SLC25A26: variants seen among roughly 807,000 people sequenced by gnomAD.
SLC25A26 encodes mitochondrial S-adenosylmethionine carrier protein.
A neutral mutation model predicts 37.8 loss-of-function variants in SLC25A26; 36 were observed. The observed-to-expected ratio is 0.95, with a 90% confidence interval of 0.73 to 1.26. The LOEUF (loss-of-function observed/expected upper bound fraction) is 1.26, where lower values mean the gene tolerates loss of function less well. Among genes scored for constraint, SLC25A26 ranks in the 50% most tolerant of loss-of-function variants. SLC25A26 has a pLI of 0.00. For missense variants in SLC25A26, 390 were observed against 331.1 expected, an observed-to-expected ratio of 1.18 and a Z score of -1.38; for synonymous variants, 129 against 122.5, an observed-to-expected ratio of 1.05 and a Z score of -0.35.
intron 1 of SLC25A26, among the ~76,000 whole-genome samples, chr3:66,188,445 G>GGGAAT (rs2070872039): frequency 6.6e-6 from 1 of 152,064 alleles, no homozygotes; most frequent in African/African-American, 2.4e-5. Context: ...AGGGAAGGAG[G>GGGAAT]GGAATGAGTG....
intron 5 of SLC25A26, among the ~76,000 whole-genome samples, chr3:66,272,095 A>G (rs2073980494): frequency 1.3e-5 from 2 of 152,160 alleles, no homozygotes; most frequent in African/African-American, 4.8e-5. Flanking sequence ...ATGGAAATAA[A>G]CTGTTTACAT....
At chr3:66,303,344 GCTAA>G (rs2075128868) in intron 5 of SLC25A26, among the ~76,000 whole-genome samples, 1 of 152,174 alleles carries the variant, frequency 6.6e-6, no homozygotes, top group African/African-American at 2.4e-5. Flanking sequence ...TCTGGGAACA[GCTAA>G]CTGTGTTGGA....
chr3:66,281,203 T>G (rs1228724332), intron 5 of SLC25A26, among the ~76,000 whole-genome samples: 1 of 152,158 alleles, frequency 6.6e-6, no homozygotes, highest in Non-Finnish European at 1.5e-5. Context: ...ACCTAAGTAT[T>G]TTGGGGTGTT....
intron 1 of SLC25A26, among the ~76,000 whole-genome samples, chr3:66,213,603 T>C (rs1409475833): frequency 6.6e-6 from 1 of 152,096 alleles, no homozygotes; most frequent in Non-Finnish European, 1.5e-5. Context: ...GGTATATTTG[T>C]TACAATCAAT....
intron 1 of SLC25A26, among the ~76,000 whole-genome samples, chr3:66,198,557 C>T (rs1042199183): frequency 0.011 from 1,690 of 151,836 alleles, 31 homozygotes; most frequent in African/African-American, 0.038. Context: ...CCCACCATGA[C>T]CCTGAGGCTG....
At chr3:66,299,725 G>T (rs1375132946) in intron 5 of SLC25A26, among the ~76,000 whole-genome samples, 6 of 152,118 alleles carry the variant, frequency 3.9e-5, no homozygotes, top group Admixed American at 1.3e-4. Flanking sequence ...GGATTTTTAG[G>T]TTATAGATGT....
At chr3:66,237,626 G>A (rs1242045395) in intron 2 of SLC25A26, among the ~76,000 whole-genome samples, 2 of 152,138 alleles carry the variant, frequency 1.3e-5, no homozygotes, top group East Asian at 1.9e-4. Flanking sequence ...GACTTATGAC[G>A]CTCTTACTCT....
At chr3:66,293,533 C>A (rs1254192310) in intron 5 of SLC25A26, among the ~76,000 whole-genome samples, 1 of 151,548 alleles carries the variant, frequency 6.6e-6, no homozygotes, top group African/African-American at 2.4e-5. Context: ...GATCCTCTCC[C>A]TCCTCCCAGC....
intron 1 of SLC25A26, among the ~76,000 whole-genome samples, chr3:66,154,111 T>C (rs1255280438): frequency 6.6e-6 from 1 of 152,106 alleles, no homozygotes; most frequent in Non-Finnish European, 1.5e-5. Context: ...AGTGCCTGAA[T>C]ATAAAACTCG....
At chr3:66,221,919 C>G (rs559957577) in intron 1 of SLC25A26, among the ~76,000 whole-genome samples, 1 of 151,836 alleles carries the variant, frequency 6.6e-6, no homozygotes, top group South Asian at 2.1e-4. Context: ...GTGATTTAGT[C>G]ACTTAATTAT....
At chr3:66,159,094 C>T (rs1465123525) in intron 1 of SLC25A26, among the ~76,000 whole-genome samples, 1 of 152,180 alleles carries the variant, frequency 6.6e-6, no homozygotes, top group Admixed American at 6.5e-5. Context: ...CAAGAAGAGG[C>T]CATGATGCAA....
intron 7 of SLC25A26, among the ~76,000 whole-genome samples, chr3:66,363,459 G>A (rs1213962529): frequency 2.0e-5 from 3 of 152,158 alleles, no homozygotes; most frequent in Non-Finnish European, 2.9e-5. Flanking sequence ...GGGCATTTTC[G>A]AGACATTAAA....
At chr3:66,265,535 C>T (rs1400317993) in intron 5 of SLC25A26, among the ~76,000 whole-genome samples, 1 of 152,188 alleles carries the variant, frequency 6.6e-6, no homozygotes, top group Admixed American at 6.5e-5. Flanking sequence ...TTCTGGTATA[C>T]TGAAACATAA....
chr3:66,332,446 A>G (rs748780645), intron 5 of SLC25A26, among the ~76,000 whole-genome samples: 1 of 152,242 alleles, frequency 6.6e-6, no homozygotes, highest in East Asian at 1.9e-4. Flanking sequence ...TTGATTGTAT[A>G]TAACTACCAT....
At chr3:66,364,871 TAAGTG>T (rs1369575324) in intron 7 of SLC25A26, among the ~76,000 whole-genome samples, 4 of 152,196 alleles carry the variant, frequency 2.6e-5, no homozygotes, top group South Asian at 2.1e-4. Context: ...GAAGTTCTGA[TAAGTG>T]AAGGAGTTTG....
chr3:66,369,398 G>A, intron 7 of SLC25A26, 80 bp from the exon 8 acceptor site: 1 of 1,196,338 alleles, frequency 8.4e-7, no homozygotes, highest in Non-Finnish European at 1.2e-6. Context: ...AAGTGATTTG[G>A]GCAGAGTCAG....
At chr3:66,331,827 T>C (rs964388215) in intron 5 of SLC25A26, among the ~76,000 whole-genome samples, 6 of 152,212 alleles carry the variant, frequency 3.9e-5, no homozygotes, top group Non-Finnish European at 8.8e-5. Flanking sequence ...AACTTCTGTC[T>C]CCTGCTTACA....
At chr3:66,153,584 C>A (rs554164503) in intron 1 of SLC25A26, among the ~76,000 whole-genome samples, 1 of 152,192 alleles carries the variant, frequency 6.6e-6, no homozygotes, top group Non-Finnish European at 1.5e-5. Flanking sequence ...CCGCAGAATG[C>A]GCAGAATTTC....
At chr3:66,252,859 T>G (rs2073137392) in intron 3 of SLC25A26, among the ~76,000 whole-genome samples, 1 of 152,228 alleles carries the variant, frequency 6.6e-6, no homozygotes, top group Non-Finnish European at 1.5e-5. Flanking sequence ...AATATTTCTC[T>G]GTATACTTCC....
Sources: allele counts gnomAD v4.1 joint callset (sites outside exome capture counted in the v4.1 genomes callset), GRCh38; gene constraint gnomAD v4.1.1; transcripts MANE v1.5; gene names NCBI Gene and HGNC (gene_info 2026-07-23, HGNC 2026-07-21).